The following HEATR5B variants were observed in gnomAD, a reference collection of about 807,000 sequenced individuals.
HEATR5B encodes HEAT repeat-containing protein 5B.
HEATR5B carries 156 observed loss-of-function variants against 224.1 expected under a neutral mutation model. The ratio of observed to expected loss-of-function variants is 0.70; its 90% CI spans 0.61 to 0.80. HEATR5B has a LOEUF of 0.80. Among genes scored for constraint, HEATR5B ranks in the 30% least tolerant of loss-of-function variants. HEATR5B has a pLI of 0.00. For synonymous variants in HEATR5B, 1,027 were observed against 893.0 expected (o/e 1.15, Z -2.68); for missense variants, 2,323 against 2,535.5 (o/e 0.92, Z 1.80).
At chr2:37,002,675 G>A in intron 31 of HEATR5B, 103 bp from the exon 32 acceptor site, 1 of 1,092,596 alleles carries the variant, frequency 9.2e-7, no homozygotes. Context: ...ATAAGCAAAT[G>A]TCAAATAATG....
At chr2:37,059,137 G>C (rs1671093726) in intron 12 of HEATR5B, 150 bp from the exon 13 acceptor site, 1 of 447,902 alleles carries the variant, frequency 2.2e-6, no homozygotes, top group African/African-American at 2.0e-5. Flanking sequence ...AGAAAAACTT[G>C]CAACAACTAC....
intron 18 of HEATR5B, 21 bp from the exon 19 acceptor site, chr2:37,041,313 C>T (rs1187473086): frequency 1.9e-6 from 3 of 1,610,494 alleles, no homozygotes; most frequent in Non-Finnish European, 2.5e-6. Flanking sequence ...GATTATGCTT[C>T]AAGCACTAAC....
chr2:36,985,118 C>T (rs2247018), intron 35 of HEATR5B, among the ~76,000 whole-genome samples: 148,685 of 152,334 alleles, frequency 0.98, 72,587 homozygotes, highest in East Asian at 1. Context: ...AAAAGTTGAA[C>T]GACTTAAATT....
chr2:37,062,613 C>A (rs1365579064), intron 10 of HEATR5B, among the ~76,000 whole-genome samples: 1 of 152,198 alleles, frequency 6.6e-6, no homozygotes, highest in Non-Finnish European at 1.5e-5. Context: ...TTTAGCACTG[C>A]TTAGTTCCAT....
At chr2:37,055,839 T>A (rs1262025118) in intron 16 of HEATR5B, among the ~76,000 whole-genome samples, 1 of 152,266 alleles carries the variant, frequency 6.6e-6, no homozygotes, top group African/African-American at 2.4e-5. Flanking sequence ...AATTCATTTC[T>A]GTTTTCCTTT....
chr2:37,036,572 C>T (rs1164995173), intron 21 of HEATR5B, among the ~76,000 whole-genome samples: 4 of 151,522 alleles, frequency 2.6e-5, no homozygotes, highest in Non-Finnish European at 1.5e-5. Flanking sequence ...AGTGCAATGG[C>T]GCAATCTTGG....
At chr2:37,005,898 T>G in intron 29 of HEATR5B, 139 bp from the exon 30 acceptor site, 1 of 613,098 alleles carries the variant, frequency 1.6e-6, no homozygotes. Flanking sequence ...GACTTCAAAA[T>G]GGTTTCCAAG....
At chr2:36,992,297 C>CTGAGACTAGG (rs1666383908) in intron 33 of HEATR5B, among the ~76,000 whole-genome samples, 1 of 151,872 alleles carries the variant, frequency 6.6e-6, no homozygotes, top group African/African-American at 2.4e-5. Context: ...ACCTGAGAAC[C>CTGAGACTAGG]CACCCAGACT....
chr2:37,064,686 A>G lies in HEATR5B; in HGVS notation c.1584+54T>C, dbSNP rs551264408. 1.4e-5 allele frequency: 22 copies of G among 1,595,146 alleles called. No individual in the cohort carries two copies. The East Asian group carries it at 3.1e-4, about 23-fold the overall frequency. ...CAACACTAAACACAGCAGCGTTCCTATAAAGACCAAAGCCCACGTGACAGC... is the reference window on the plus strand; with the variant it reads ...CAACACTAAACACAGCAGCGTTCCTGTAAAGACCAAAGCCCACGTGACAGC... On this transcript the variant is annotated intron_variant, in intron 10 of 35. Transcript: ENST00000233099.
chr2:37,011,004 G>A (rs1479610508), intron 27 of HEATR5B, among the ~76,000 whole-genome samples: 1 of 151,932 alleles, frequency 6.6e-6, no homozygotes, highest in African/African-American at 2.4e-5. Flanking sequence ...CTTAAGAGAA[G>A]AAACTTTTAA....
intron 5 of HEATR5B, among the ~76,000 whole-genome samples, chr2:37,073,546 G>GC (rs200854868): frequency 0.011 from 1,713 of 152,180 alleles, 24 homozygotes; most frequent in African/African-American, 0.039. Context: ...GCCCAGCCTG[G>GC]ACGTTGACAT....
At chr2:36,986,033 T>A (rs1346215140) in intron 35 of HEATR5B, among the ~76,000 whole-genome samples, 1 of 152,072 alleles carries the variant, frequency 6.6e-6, no homozygotes, top group Non-Finnish European at 1.5e-5. Context: ...AACTCCAAAT[T>A]AGGGTGCCTG....
chr2:37,062,886 C>A (rs977015208), intron 10 of HEATR5B, among the ~76,000 whole-genome samples: 1 of 152,186 alleles, frequency 6.6e-6, no homozygotes, highest in African/African-American at 2.4e-5. Context: ...TTCCTGGGCT[C>A]AAGGGATCCT....
At chr2:37,079,769 G>GA (rs1265364355) in intron 2 of HEATR5B, among the ~76,000 whole-genome samples, 5 of 150,010 alleles carry the variant, frequency 3.3e-5, no homozygotes, top group Non-Finnish European at 4.4e-5. Flanking sequence ...TAGACAACAG[G>GA]AAAAAAAAAT....
chr2:37,047,104 G>C (rs1374424368), intron 18 of HEATR5B, among the ~76,000 whole-genome samples: 1 of 141,020 alleles, frequency 7.1e-6, no homozygotes, highest in Non-Finnish European at 1.5e-5. Flanking sequence ...AACTACTCAA[G>C]AGGCTGAGGT....
chr2:37,033,168 C>T (rs948902700), intron 21 of HEATR5B, among the ~76,000 whole-genome samples: 1 of 152,026 alleles, frequency 6.6e-6, no homozygotes, highest in Admixed American at 6.6e-5. Flanking sequence ...CATGAGCCAC[C>T]GTGCCCCGCC....
intron 21 of HEATR5B, among the ~76,000 whole-genome samples, chr2:37,033,588 C>T (rs1245303334): frequency 2.6e-5 from 4 of 152,068 alleles, no homozygotes. Context: ...GGGCCTTTTG[C>T]CACAGTATTT....
At chr2:37,019,125 G>T (rs75835776) in intron 26 of HEATR5B, among the ~76,000 whole-genome samples, 2,390 of 151,876 alleles carry the variant, frequency 0.016, 30 homozygotes, top group Middle Eastern at 0.037. Flanking sequence ...ATGCCACTGT[G>T]CTCCAGCCTG....
chr2:37,023,574 G>A (rs77334707), intron 24 of HEATR5B, among the ~76,000 whole-genome samples: 1 of 152,102 alleles, frequency 6.6e-6, no homozygotes, highest in Admixed American at 6.6e-5. Context: ...TTTGAGACCA[G>A]CCTGGCCAAC....
Sources: allele counts gnomAD v4.1 joint callset (sites outside exome capture counted in the v4.1 genomes callset), GRCh38; gene constraint gnomAD v4.1.1; transcripts MANE v1.5; gene names NCBI Gene and HGNC (gene_info 2026-07-23, HGNC 2026-07-21).